CHN2: variants seen among roughly 807,000 people sequenced by gnomAD.
CHN2 encodes the protein beta-chimaerin.
In CHN2, 35 loss-of-function variants were observed where a neutral mutation model predicts 56.3. That is an observed-to-expected ratio of 0.62 (90% CI 0.47 to 0.82). CHN2 has a LOEUF of 0.82. Ranked by LOEUF, CHN2 falls within the 40% of genes least tolerant of loss-of-function variation. CHN2 has a pLI of 0.00. For synonymous variants in CHN2, 210 were observed against 212.8 expected, an observed-to-expected ratio of 0.99 and a Z score of 0.12; for missense variants, 491 against 580.5, an observed-to-expected ratio of 0.85 and a Z score of 1.58.
chr7:29,253,151 T>G (rs1720073645), intron 1 of CHN2, among the ~76,000 whole-genome samples: 1 of 152,158 alleles, frequency 6.6e-6, no homozygotes, highest in South Asian at 2.1e-4. Flanking sequence ...CCCAAGAAAG[T>G]TTTCACATAA....
chr7:29,377,962 G>C (rs1012726286), intron 3 of CHN2, among the ~76,000 whole-genome samples: 4 of 152,186 alleles, frequency 2.6e-5, no homozygotes, highest in Admixed American at 1.3e-4. Context: ...AGCACCTTGC[G>C]TCCTTCTAGG....
chr7:29,502,149 T>C (rs1273057388), intron 9 of CHN2, among the ~76,000 whole-genome samples: 1 of 152,212 alleles, frequency 6.6e-6, no homozygotes, highest in African/African-American at 2.4e-5. Context: ...TTATGTAGCC[T>C]GTACATCTCA....
intron 1 of CHN2, among the ~76,000 whole-genome samples, chr7:29,273,388 T>TATATACAC (rs1384075086): frequency 2.4e-5 from 1 of 41,920 alleles, no homozygotes; most frequent in African/African-American, 1.1e-4. Flanking sequence ...TATATATATA[T>TATATACAC]ACACACACCA....
intron 2 of CHN2, among the ~76,000 whole-genome samples, chr7:29,164,238 GA>G (rs1285427852): frequency 6.6e-6 from 1 of 152,068 alleles, no homozygotes; most frequent in Admixed American, 6.6e-5. Flanking sequence ...TTTTCCTAAT[GA>G]CTAATGATGT....
At chr7:29,368,086 T>A (rs1213189402) in intron 3 of CHN2, 99 bp downstream of exon 3, 3 of 925,876 alleles carry the variant, frequency 3.2e-6, no homozygotes, top group Non-Finnish European at 4.6e-6. Flanking sequence ...GGAGTTGATT[T>A]CTATTAACAT....
chr7:29,356,757 T>C (rs1435740747), intron 2 of CHN2, among the ~76,000 whole-genome samples: 2 of 152,222 alleles, frequency 1.3e-5, no homozygotes, highest in Non-Finnish European at 2.9e-5. Context: ...TGCTCTGTAT[T>C]CCGATCTTCT....
At chr7:29,344,377 T>C (rs1797267839) in intron 1 of CHN2, among the ~76,000 whole-genome samples, 1 of 152,204 alleles carries the variant, frequency 6.6e-6, no homozygotes, top group East Asian at 1.9e-4. Context: ...AGGTAAGTCC[T>C]TAGCATGGTT....
intron 6 of CHN2, among the ~76,000 whole-genome samples, chr7:29,441,011 T>C (rs1041621013): frequency 4.6e-5 from 7 of 152,238 alleles, no homozygotes; most frequent in Non-Finnish European, 8.8e-5. Flanking sequence ...TAGATCAGGC[T>C]AATTAACATA....
intron 3 of CHN2, among the ~76,000 whole-genome samples, chr7:29,368,584 C>T (rs758435262): frequency 1.2e-4 from 18 of 152,002 alleles, no homozygotes; most frequent in Non-Finnish European, 2.4e-4. Context: ...ACTTAATATC[C>T]TTCAAATCAA....
intron 1 of CHN2, among the ~76,000 whole-genome samples, chr7:29,262,452 A>G: frequency 6.6e-6 from 1 of 152,274 alleles, no homozygotes; most frequent in East Asian, 1.9e-4. Flanking sequence ...TGTATTAAAG[A>G]GAGTTAAATT....
intron 3 of CHN2, among the ~76,000 whole-genome samples, chr7:29,385,048 GGGA>G (rs1473278438): frequency 5.3e-5 from 8 of 152,160 alleles, no homozygotes; most frequent in Non-Finnish European, 1.0e-4. Context: ...TTTCCAGGGA[GGGA>G]GGAGGTTCCC....
intron 1 of CHN2, among the ~76,000 whole-genome samples, chr7:29,202,371 A>G (rs924554685): frequency 2.6e-5 from 4 of 152,222 alleles, no homozygotes; most frequent in Admixed American, 1.3e-4. Context: ...AGCACATTTA[A>G]TTGGGGGGAA....
intron 1 of CHN2, chr7:29,197,785 A>C: frequency 2.8e-6 from 1 of 362,902 alleles, no homozygotes; most frequent in Non-Finnish European, 5.4e-6. Flanking sequence ...TGCAAACAGC[A>C]ACCTCTATTC....
At chr7:29,353,023 A>G (rs1056459354) in intron 1 of CHN2, among the ~76,000 whole-genome samples, 1 of 152,194 alleles carries the variant, frequency 6.6e-6, no homozygotes, top group Admixed American at 6.5e-5. Context: ...TGATTTAGCA[A>G]AACCCAGTTT....
chr7:29,305,556 A>T (rs1374109618), intron 1 of CHN2, among the ~76,000 whole-genome samples: 1 of 152,148 alleles, frequency 6.6e-6, no homozygotes, highest in Non-Finnish European at 1.5e-5. Context: ...ATAAAATGGA[A>T]AGTTGGGTCA....
At chr7:29,148,253 G>A (rs375876890) in intron 2 of CHN2, among the ~76,000 whole-genome samples, 4 of 152,238 alleles carry the variant, frequency 2.6e-5, no homozygotes, top group Admixed American at 6.5e-5. Context: ...GACAACTACT[G>A]GCCAAAGAAT....
At chr7:29,193,587 G>T (rs1036345549), upstream of CHN2, 1 of 152,064 alleles carries the variant, frequency 6.6e-6, no homozygotes, top group Non-Finnish European at 1.5e-5. Context: ...TGAAAGAACC[G>T]ATTAGCCCGC....
At chr7:29,413,974 A>G (rs1223831492) in intron 6 of CHN2, among the ~76,000 whole-genome samples, 1 of 152,208 alleles carries the variant, frequency 6.6e-6, no homozygotes, top group Admixed American at 6.5e-5. Context: ...AGATGTGTTC[A>G]TTACACACAT....
At chr7:29,429,934 T>C (rs143565097) in intron 6 of CHN2, among the ~76,000 whole-genome samples, 2 of 152,332 alleles carry the variant, frequency 1.3e-5, no homozygotes, top group African/African-American at 4.8e-5. Flanking sequence ...GTTTGTGTTA[T>C]AATTAATTGG....
Sources: gnomAD v4.1 joint callset for allele counts (sites outside exome capture counted in the v4.1 genomes callset) on GRCh38, gnomAD v4.1.1 for gene constraint, MANE v1.5 for transcripts, NCBI Gene and HGNC (gene_info 2026-07-23, HGNC 2026-07-21) for gene names.